ZNF385D: variants seen among roughly 807,000 people sequenced by gnomAD.
ZNF385D encodes the protein zinc finger protein 659.
In ZNF385D, 15 loss-of-function variants were observed where a neutral mutation model predicts 35.8. That is an observed-to-expected ratio of 0.42 (90% CI 0.28 to 0.64). ZNF385D has a LOEUF of 0.64. ZNF385D is among the 30% of genes least tolerant of loss of function. The probability of loss-of-function intolerance (pLI) is 0.23; values close to 1 mark genes in which losing one functional copy is unlikely to be tolerated. For synonymous variants in ZNF385D, 212 were observed against 186.8 expected, an observed-to-expected ratio of 1.13 and a Z score of -1.10; for missense variants, 474 against 494.6, an observed-to-expected ratio of 0.96 and a Z score of 0.39.
chr3:22,185,829 T>A (rs999311854), intron 2 of ZNF385D, among the ~76,000 whole-genome samples: 1 of 152,158 alleles, frequency 6.6e-6, no homozygotes, highest in Non-Finnish European at 1.5e-5. Context: ...GGGAGAAAGA[T>A]GTTATTTTGT....
intron 3 of ZNF385D, among the ~76,000 whole-genome samples, chr3:21,822,200 T>G (rs911649441): frequency 1.6e-4 from 24 of 152,092 alleles, no homozygotes; most frequent in African/African-American, 5.5e-4. Context: ...GCCTCCCTAG[T>G]AGCTGGGACT....
intron 2 of ZNF385D, among the ~76,000 whole-genome samples, chr3:22,290,437 C>T (rs1378035604): frequency 1.3e-5 from 2 of 152,118 alleles, no homozygotes; most frequent in Non-Finnish European, 2.9e-5. Flanking sequence ...TGTAGCCACA[C>T]CACAACACAG....
rs182535538 is a variant in ZNF385D, at chr3:22,333,494, C to T, written c.106+38956G>A. Among the ~76,000 whole-genome samples, 534 of 151,854 alleles carry T rather than the reference C, an allele frequency of 3.5e-3. 2 individuals are homozygous for T. Among genetic ancestry groups the T allele is most frequent in the African/African-American group, 0.012 (516 of 41,428 alleles). On this transcript the variant is annotated intron_variant, in intron 2 of 5. Transcript: ENST00000494108. The stretch of plus-strand genomic sequence containing the variant: ...CTTTTTTTCTCTCTGTTATTTGGAT[C>T]GTATAATTCCTATTAATTGGTCTTC...
intron 3 of ZNF385D, among the ~76,000 whole-genome samples, chr3:21,889,376 C>T (rs928318870): frequency 1.8e-4 from 28 of 152,066 alleles, no homozygotes; most frequent in Non-Finnish European, 1.5e-5. Context: ...TGAATTAGCA[C>T]TGTAACCAAC....
intron 3 of ZNF385D, among the ~76,000 whole-genome samples, chr3:21,761,836 G>C (rs373136004): frequency 4.8e-5 from 7 of 145,138 alleles, no homozygotes; most frequent in African/African-American, 1.8e-4. Flanking sequence ...AGTCATAATG[G>C]CTTAAAATTA....
At chr3:21,424,303 A>ATG (rs1700894428) in intron 6 of ZNF385D, among the ~76,000 whole-genome samples, 1 of 62,598 alleles carries the variant, frequency 1.6e-5, no homozygotes, top group Non-Finnish European at 2.9e-5. Flanking sequence ...ATATATATTT[A>ATG]TATATATATA....
At chr3:22,281,148 G>A (rs1304605807) in intron 2 of ZNF385D, among the ~76,000 whole-genome samples, 2 of 151,884 alleles carry the variant, frequency 1.3e-5, no homozygotes, top group African/African-American at 4.8e-5. Flanking sequence ...GAGTCTTTAG[G>A]GTTTTCTAGG....
At chr3:21,529,970 G>A (rs1420482617) in intron 3 of ZNF385D, among the ~76,000 whole-genome samples, 1 of 152,146 alleles carries the variant, frequency 6.6e-6, no homozygotes, top group Non-Finnish European at 1.5e-5. Context: ...CTTAGTGGGA[G>A]GTGTTTGGGT....
intron 2 of ZNF385D, among the ~76,000 whole-genome samples, chr3:22,288,156 C>A (rs141103042): frequency 5.3e-5 from 8 of 152,050 alleles, no homozygotes; most frequent in East Asian, 1.9e-4. Flanking sequence ...TTGTATGTAA[C>A]AAGTAGTTCT....
chr3:21,562,046 A>G (rs1174736637), intron 3 of ZNF385D: 1 of 109,686 alleles, frequency 9.1e-6, no homozygotes, highest in Non-Finnish European at 1.8e-5. Flanking sequence ...TGATTAGTCC[A>G]TATCTCCAAA....
intron 3 of ZNF385D, among the ~76,000 whole-genome samples, chr3:21,907,656 T>C (rs1433847646): frequency 6.6e-6 from 1 of 152,138 alleles, no homozygotes; most frequent in Non-Finnish European, 1.5e-5. Context: ...TTATTACCCT[T>C]CACAATGGTT....
At chr3:21,815,658 T>G (rs562379718) in intron 3 of ZNF385D, among the ~76,000 whole-genome samples, 12 of 152,176 alleles carry the variant, frequency 7.9e-5, no homozygotes, top group Middle Eastern at 3.2e-3. Flanking sequence ...AATAGACCAA[T>G]AGCAGGCTCT....
chr3:21,918,712 C>T (rs1443991175), intron 3 of ZNF385D, among the ~76,000 whole-genome samples: 7 of 152,140 alleles, frequency 4.6e-5, no homozygotes, highest in Non-Finnish European at 1.5e-5. Flanking sequence ...ATTCCAATAT[C>T]ACTTTATAAT....
chr3:22,138,490 C>T (rs1416879547), intron 3 of ZNF385D, among the ~76,000 whole-genome samples: 2 of 151,858 alleles, frequency 1.3e-5, no homozygotes, highest in Non-Finnish European at 2.9e-5. Flanking sequence ...CGGAACAGAA[C>T]AGAGCCCTCA....
At chr3:21,847,235 G>A (rs979909767) in intron 3 of ZNF385D, among the ~76,000 whole-genome samples, 4 of 152,016 alleles carry the variant, frequency 2.6e-5, no homozygotes, top group Admixed American at 6.6e-5. Context: ...AATAAAAGAG[G>A]TGCTACATGC....
chr3:22,104,013 A>C (rs1411900967), intron 3 of ZNF385D, among the ~76,000 whole-genome samples: 1 of 152,184 alleles, frequency 6.6e-6, no homozygotes, highest in Non-Finnish European at 1.5e-5. Context: ...TGTACAATAT[A>C]CAATATATAA....
intron 3 of ZNF385D, among the ~76,000 whole-genome samples, chr3:22,155,805 A>G (rs1705547024): frequency 6.6e-6 from 1 of 152,128 alleles, no homozygotes; most frequent in Non-Finnish European, 1.5e-5. Flanking sequence ...TCACTTCTCA[A>G]TTTTTGTTAA....
intron 2 of ZNF385D, among the ~76,000 whole-genome samples, chr3:22,287,168 T>C (rs966872987): frequency 6.6e-6 from 1 of 152,022 alleles, no homozygotes; most frequent in African/African-American, 2.4e-5. Flanking sequence ...ACTTAAAGCT[T>C]ACGTTGTCTA....
chr3:22,172,845 C>A (rs1163832609), intron 2 of ZNF385D, among the ~76,000 whole-genome samples: 1 of 152,124 alleles, frequency 6.6e-6, no homozygotes, highest in Admixed American at 6.5e-5. Context: ...AATAGACATC[C>A]TCCATTCAAA....
Sources: gnomAD v4.1 joint callset for allele counts (sites outside exome capture counted in the v4.1 genomes callset) on GRCh38, gnomAD v4.1.1 for gene constraint, MANE v1.5 for transcripts, NCBI Gene and HGNC (gene_info 2026-07-23, HGNC 2026-07-21) for gene names.